Variants in SPATA17 observed in about 807,000 individuals in gnomAD.
SPATA17 encodes spermatogenesis-associated protein 17.
A neutral mutation model predicts 62.2 loss-of-function variants in SPATA17; 53 were observed. The observed-to-expected ratio is 0.85, with a 90% confidence interval of 0.68 to 1.07. The LOEUF is 1.07. Among genes scored for constraint, SPATA17 ranks in the 50% least tolerant of loss-of-function variants. The probability of loss-of-function intolerance (pLI) is 0.00; values close to 1 mark genes in which losing one functional copy is unlikely to be tolerated. For synonymous variants in SPATA17, 146 were observed against 146.8 expected, an observed-to-expected ratio of 0.99 and a Z score of 0.04; for missense variants, 466 against 425.5, an observed-to-expected ratio of 1.10 and a Z score of -0.84.
chr1:217,837,735 ATTT>A (rs918406830), intron 9 of SPATA17, among the ~76,000 whole-genome samples: 2 of 151,842 alleles, frequency 1.3e-5, no homozygotes, highest in African/African-American at 4.8e-5. Context: ...ATCTTCACTG[ATTT>A]TGGGGGTGCT....
intron 3 of SPATA17, among the ~76,000 whole-genome samples, chr1:217,664,277 G>C (rs1456658574): frequency 6.8e-6 from 1 of 146,402 alleles, no homozygotes; most frequent in South Asian, 2.1e-4. Context: ...CTTTAACCTA[G>C]GTGTTAAAAA....
chr1:217,677,606 A>T (rs947617285), intron 4 of SPATA17, among the ~76,000 whole-genome samples: 4 of 152,126 alleles, frequency 2.6e-5, no homozygotes, highest in Admixed American at 6.5e-5. Flanking sequence ...AGCCTATGGA[A>T]GAAAAGAAGG....
At chr1:217,650,720 G>T (rs537054309) in intron 2 of SPATA17, among the ~76,000 whole-genome samples, 59 of 152,212 alleles carry the variant, frequency 3.9e-4, no homozygotes, top group African/African-American at 1.4e-3. Context: ...CACTGCGCCC[G>T]GCCCTCATGA....
intron 6 of SPATA17, 116 bp from the exon 7 acceptor site, chr1:217,774,218 C>T: frequency 1.2e-6 from 1 of 809,812 alleles, no homozygotes; most frequent in Non-Finnish European, 1.9e-6. Flanking sequence ...GGTTAAGAAC[C>T]ACAGTTGTAG....
intron 4 of SPATA17, among the ~76,000 whole-genome samples, chr1:217,671,442 T>C (rs1184001636): frequency 6.6e-6 from 1 of 152,184 alleles, no homozygotes; most frequent in Non-Finnish European, 1.5e-5. Flanking sequence ...CCTCTTAACT[T>C]GCTTATAAAT....
chr1:217,767,336 G>T (rs1344009550), intron 6 of SPATA17, among the ~76,000 whole-genome samples: 1 of 151,906 alleles, frequency 6.6e-6, no homozygotes, highest in Non-Finnish European at 1.5e-5. Context: ...TGCCTACTGT[G>T]GTTTTGTTCG....
At position 217,869,954 on chromosome 1, in the gene SPATA17, T is replaced by C. The variant is rs1325612350; in HGVS notation, c.*2935T>C. The C allele has an allele frequency of 6.6e-6, 1 of 152,124 alleles. No individual in the cohort carries two copies. The highest frequency in any genetic ancestry group is 1.9e-4 in the East Asian group (1 of 5,184). The allele number at this position is 152,124 out of a possible 1,614,324, so 9.4% of individuals were successfully genotyped here. ...TCAAGCCACCATAAATAGCGGACCA[T>C]CTGTATATCTGAAAGAAGATGAACC... On this transcript the variant is annotated 3_prime_UTR_variant, in exon 11 of 11. Transcript: ENST00000366933.
intron 9 of SPATA17, among the ~76,000 whole-genome samples, chr1:217,802,180 G>A (rs1258663486): frequency 6.6e-6 from 1 of 152,008 alleles, no homozygotes; most frequent in Non-Finnish European, 1.5e-5. Flanking sequence ...GGAGATCAGG[G>A]CTTGTTTGCT....
At chr1:217,644,124 C>T (rs1459577601) in intron 1 of SPATA17, among the ~76,000 whole-genome samples, 1 of 152,048 alleles carries the variant, frequency 6.6e-6, no homozygotes, top group African/African-American at 2.4e-5. Flanking sequence ...ATTTAACATT[C>T]GACCAACTAT....
Position 217,867,528 on chromosome 1 carries a change from C to G in SPATA17, c.*509C>G, listed in dbSNP as rs989284858. On this transcript the variant is annotated 3_prime_UTR_variant, in exon 11 of 11. Transcript: ENST00000366933. The stretch of plus-strand genomic sequence containing the variant: ...GACACACAGACACAACAGACACAGA[C>G]TAGTGGGTGTGGGAGCAGAAGCATA... The G allele has an allele frequency of 1.3e-5, 2 of 152,212 alleles. No individual in the cohort carries two copies. The highest frequency in any genetic ancestry group is 2.9e-5 in the Non-Finnish European group (2 of 68,054). 9.4% of individuals were successfully genotyped at this position (152,212 alleles called of 1,614,324 possible). A position where few individuals can be genotyped will look rare whatever the true frequency, so the allele number is the denominator to read the frequency against.
At chr1:217,658,575 G>T (rs1282263192) in intron 3 of SPATA17, among the ~76,000 whole-genome samples, 4 of 152,014 alleles carry the variant, frequency 2.6e-5, no homozygotes, top group African/African-American at 4.8e-5. Context: ...TGGTTAACAT[G>T]GTGATAGCCC....
intron 6 of SPATA17, among the ~76,000 whole-genome samples, chr1:217,761,484 A>C (rs1422085348): frequency 2.6e-5 from 4 of 152,144 alleles, no homozygotes; most frequent in Admixed American, 6.6e-5. Context: ...ACATATATAT[A>C]TCTCTCTCCA....
chr1:217,712,273 T>A (rs1671891237), intron 5 of SPATA17, among the ~76,000 whole-genome samples: 1 of 151,820 alleles, frequency 6.6e-6, no homozygotes, highest in Admixed American at 6.6e-5. Flanking sequence ...ATTATAGGCA[T>A]GTGCCACCAC....
intron 9 of SPATA17, among the ~76,000 whole-genome samples, chr1:217,825,621 A>G (rs1033511005): frequency 2.6e-5 from 4 of 152,012 alleles, no homozygotes; most frequent in Non-Finnish European, 4.4e-5. Context: ...GTTATGTTAC[A>G]TATCTCCTGG....
At chr1:217,843,521 C>T (rs1476396880) in intron 9 of SPATA17, among the ~76,000 whole-genome samples, 1 of 152,006 alleles carries the variant, frequency 6.6e-6, no homozygotes, top group African/African-American at 2.4e-5. Flanking sequence ...AGGACATGGA[C>T]AGTACATTTT....
chr1:217,661,596 G>C (rs903800236), intron 3 of SPATA17, among the ~76,000 whole-genome samples: 7 of 152,052 alleles, frequency 4.6e-5, no homozygotes, highest in African/African-American at 1.7e-4. Context: ...TATGACTGTT[G>C]TTTTTGTTTT....
intron 9 of SPATA17, among the ~76,000 whole-genome samples, chr1:217,827,179 G>A (rs1284968802): frequency 1.3e-5 from 2 of 151,814 alleles, no homozygotes; most frequent in African/African-American, 2.4e-5. Context: ...TTATTAACAT[G>A]AATTCATTTT....
chr1:217,853,778 C>G (rs996560189), intron 9 of SPATA17, among the ~76,000 whole-genome samples: 5 of 152,146 alleles, frequency 3.3e-5, no homozygotes, highest in African/African-American at 1.2e-4. Context: ...TATATTTTGA[C>G]TCATTAGCAT....
intron 1 of SPATA17, among the ~76,000 whole-genome samples, chr1:217,638,798 C>T (rs929550162): frequency 6.6e-6 from 1 of 151,906 alleles, no homozygotes; most frequent in African/African-American, 2.4e-5. Flanking sequence ...ATACTGTAAC[C>T]AATTTTTAAA....
Sources: allele counts gnomAD v4.1 joint callset (sites outside exome capture counted in the v4.1 genomes callset), GRCh38; gene constraint gnomAD v4.1.1; transcripts MANE v1.5; gene names NCBI Gene and HGNC (gene_info 2026-07-23, HGNC 2026-07-21).